The following CTNNA2 variants were observed in gnomAD, a reference collection of about 807,000 sequenced individuals.
CTNNA2 encodes the protein catenin alpha-2.
Under a neutral mutation model 101.0 loss-of-function variants are expected in CTNNA2, and 42 were observed. The observed-to-expected ratio is 0.42, with a 90% confidence interval of 0.32 to 0.54. The LOEUF (loss-of-function observed/expected upper bound fraction) is 0.54, where lower values mean the gene tolerates loss of function less well. Among genes scored for constraint, CTNNA2 ranks in the 20% least tolerant of loss-of-function variants. The probability of loss-of-function intolerance (pLI) is 0.14; values close to 1 mark genes in which losing one functional copy is unlikely to be tolerated. For synonymous variants in CTNNA2, 450 were observed against 456.4 expected, an observed-to-expected ratio of 0.99 and a Z score of 0.18; for missense variants, 871 against 1,223.1, an observed-to-expected ratio of 0.71 and a Z score of 4.29.
chr2:80,541,103 T>C (rs1178870539), intron 9 of CTNNA2, among the ~76,000 whole-genome samples: 1 of 152,098 alleles, frequency 6.6e-6, no homozygotes, highest in East Asian at 1.9e-4. Flanking sequence ...CACTGGGCCA[T>C]TGGGTCCAGT....
At chr2:79,872,675 G>A (rs778460268) in intron 5 of CTNNA2, among the ~76,000 whole-genome samples, 8 of 152,076 alleles carry the variant, frequency 5.3e-5, no homozygotes, top group Non-Finnish European at 7.4e-5. Context: ...ACCAATTTTC[G>A]TGACAATCTT....
intron 5 of CTNNA2, among the ~76,000 whole-genome samples, chr2:79,873,201 T>C (rs1335914886): frequency 6.6e-6 from 1 of 152,174 alleles, no homozygotes; most frequent in Non-Finnish European, 1.5e-5. Context: ...TGGAGGCAAG[T>C]AGGGCCTCAG....
At chr2:80,443,174 G>C (rs1016429170) in intron 9 of CTNNA2, among the ~76,000 whole-genome samples, 1 of 152,138 alleles carries the variant, frequency 6.6e-6, no homozygotes, top group South Asian at 2.1e-4. Flanking sequence ...CTGTTCTTTA[G>C]CATTGACTCA....
chr2:79,920,853 G>A (rs939322623), intron 7 of CTNNA2, among the ~76,000 whole-genome samples: 1 of 152,192 alleles, frequency 6.6e-6, no homozygotes, highest in Non-Finnish European at 1.5e-5. Context: ...TTGCTTTTCA[G>A]TTCAAAGGGC....
intron 9 of CTNNA2, among the ~76,000 whole-genome samples, chr2:80,511,409 T>C (rs2149552371): frequency 6.6e-6 from 1 of 152,330 alleles, no homozygotes; most frequent in Non-Finnish European, 1.5e-5. Context: ...TTGTCTGTCA[T>C]GGTTATAGGT....
At chr2:80,253,466 T>C (rs548722838) in intron 7 of CTNNA2, among the ~76,000 whole-genome samples, 1 of 152,290 alleles carries the variant, frequency 6.6e-6, no homozygotes, top group South Asian at 2.1e-4. Flanking sequence ...CTCGACTCTC[T>C]AGTTCTATGC....
intron 7 of CTNNA2, among the ~76,000 whole-genome samples, chr2:80,118,896 C>T (rs567105003): frequency 1.1e-4 from 16 of 152,310 alleles, no homozygotes; most frequent in African/African-American, 3.1e-4. Flanking sequence ...GCCTTTACTC[C>T]GATTCTTCAC....
chr2:80,313,726 A>G, intron 7 of CTNNA2: 2 of 1,139,182 alleles, frequency 1.8e-6, no homozygotes, highest in South Asian at 1.4e-5. Context: ...AACTAGAAAT[A>G]TGATTTCCAA....
chr2:79,352,742 C>A (rs1003979341), intron 3 of CTNNA2, among the ~76,000 whole-genome samples: 4 of 152,106 alleles, frequency 2.6e-5, no homozygotes, highest in Non-Finnish European at 4.4e-5. Flanking sequence ...GTACTATAAA[C>A]TTTCCTCTTA....
chr2:79,758,855 A>G (rs1198927552), intron 3 of CTNNA2, among the ~76,000 whole-genome samples: 1 of 152,198 alleles, frequency 6.6e-6, no homozygotes, highest in East Asian at 1.9e-4. Context: ...GTTGATCAGT[A>G]CCCAGGTTGA....
chr2:80,303,141 C>A lies in CTNNA2; in HGVS notation c.1057-90070C>A. ...AGGGAGATGAGGCGCGGGAAGTGGG[C>A]GAAGTTCACCTTGACCAAGTCGTTG... is the stretch of plus-strand genomic sequence containing the variant. On this transcript the variant is annotated intron_variant, in intron 7 of 18. Transcript: ENST00000402739. This position sits in a 1 kb window ranked among gnomAD's most constrained non-coding sequence, Gnocchi z 7.7. 1 of 1,614,042 alleles carries A rather than the reference C, an allele frequency of 6.2e-7. No individual in the cohort carries two copies. Among genetic ancestry groups the A allele is most frequent in the Non-Finnish European group, 8.5e-7 (1 of 1,180,026 alleles).
intron 7 of CTNNA2, among the ~76,000 whole-genome samples, chr2:80,296,193 T>C (rs536916509): frequency 6.6e-6 from 1 of 152,320 alleles, no homozygotes; most frequent in East Asian, 1.9e-4. Context: ...ATTTATTTTT[T>C]TAGCACACTG....
At chr2:79,587,892 TCA>T (rs1676597641) in intron 1 of CTNNA2, among the ~76,000 whole-genome samples, 1 of 152,196 alleles carries the variant, frequency 6.6e-6, no homozygotes, top group African/African-American at 2.4e-5. Flanking sequence ...AATGATATGC[TCA>T]CAATCTGGCC....
intron 7 of CTNNA2, among the ~76,000 whole-genome samples, chr2:80,134,207 G>C (rs1297064935): frequency 6.6e-6 from 1 of 152,142 alleles, no homozygotes; most frequent in Non-Finnish European, 1.5e-5. Flanking sequence ...ATGAGAGTAG[G>C]CTGAAAAGGT....
intron 7 of CTNNA2, among the ~76,000 whole-genome samples, chr2:80,244,302 G>A (rs1014078930): frequency 1.3e-5 from 2 of 152,164 alleles, no homozygotes; most frequent in African/African-American, 4.8e-5. Flanking sequence ...GATGTTCAGA[G>A]ATAGAAAAAT....
At chr2:79,941,541 TC>T (rs1256416696) in intron 7 of CTNNA2, among the ~76,000 whole-genome samples, 3 of 152,206 alleles carry the variant, frequency 2.0e-5, no homozygotes, top group Admixed American at 6.5e-5. Context: ...GAGTTAGATT[TC>T]TATAGGTGGG....
chr2:79,765,500 G>A (rs1186772533), intron 3 of CTNNA2, among the ~76,000 whole-genome samples: 1 of 152,112 alleles, frequency 6.6e-6, no homozygotes, highest in Non-Finnish European at 1.5e-5. Context: ...AATTCTATAT[G>A]CACATTGAAT....
At chr2:80,209,538 C>T (rs368322013) in intron 7 of CTNNA2, among the ~76,000 whole-genome samples, 1 of 151,976 alleles carries the variant, frequency 6.6e-6, no homozygotes, top group South Asian at 2.1e-4. Context: ...TCTCCATAAC[C>T]GATGTTCAGA....
At chr2:80,144,965 C>T (rs547737932) in intron 7 of CTNNA2, among the ~76,000 whole-genome samples, 1 of 152,082 alleles carries the variant, frequency 6.6e-6, no homozygotes, top group Non-Finnish European at 1.5e-5. Flanking sequence ...ACCTCTCCCC[C>T]CAGCTGTCAC....
Sources: gnomAD v4.1 joint callset for allele counts (sites outside exome capture counted in the v4.1 genomes callset) on GRCh38, gnomAD v4.1.1 for gene constraint, Gnocchi (gnomAD v3.1) non-coding constraint, MANE v1.5 for transcripts, NCBI Gene and HGNC (gene_info 2026-07-23, HGNC 2026-07-21) for gene names.